The following DOCK3 variants were observed in gnomAD, a reference collection of about 807,000 sequenced individuals.
DOCK3 encodes the protein dedicator of cytokinesis protein 3.
A neutral mutation model predicts 265.6 loss-of-function variants in DOCK3; 60 were observed. The ratio of observed to expected loss-of-function variants is 0.23; its 90% CI spans 0.18 to 0.28. The LOEUF (loss-of-function observed/expected upper bound fraction) is 0.28, where lower values mean the gene tolerates loss of function less well. Ranked by LOEUF, DOCK3 falls within the 10% of genes least tolerant of loss-of-function variation. The pLI is 1.00. For missense variants in DOCK3, 1,981 were observed against 2,594.3 expected (o/e 0.76, Z 5.14); for synonymous variants, 881 against 938.0 (o/e 0.94, Z 1.11).
At chr3:51,155,998 A>G (rs1280464814) in intron 10 of DOCK3, among the ~76,000 whole-genome samples, 1 of 152,164 alleles carries the variant, frequency 6.6e-6, no homozygotes, top group Non-Finnish European at 1.5e-5. Flanking sequence ...ATTAGTTGTC[A>G]TTTTATTTTA....
At position 51,265,131 on chromosome 3, in the gene DOCK3, G is replaced by A. The variant is rs768776353; in HGVS notation, c.2355+4805G>A. ...AATTTATAAATTCCTGGACACATGC[G>A]CCATCCCAAGACTAAACCAGGAAGA... On this transcript the variant is annotated intron_variant, in intron 23 of 52. Transcript: ENST00000266037. Among the ~76,000 whole-genome samples the A allele has an allele frequency of 7.9e-5, 12 of 152,000 alleles. No individual in the cohort carries two copies. The South Asian group carries it at 1.0e-3, about 13-fold the overall frequency.
chr3:50,695,606 C>T (rs1005871299), intron 1 of DOCK3, among the ~76,000 whole-genome samples: 4 of 152,158 alleles, frequency 2.6e-5, no homozygotes, highest in Non-Finnish European at 5.9e-5. Context: ...CAGAAATTTG[C>T]TCAAAGAGAC....
chr3:51,354,785 A>C, intron 40 of DOCK3, 97 bp from the exon 41 acceptor site: 1 of 1,522,498 alleles, frequency 6.6e-7, no homozygotes, highest in Non-Finnish European at 8.8e-7. Context: ...GAAGGCTCCT[A>C]AGATATGTTT....
intron 5 of DOCK3, among the ~76,000 whole-genome samples, chr3:51,025,364 C>T (rs942857292): frequency 2.0e-5 from 3 of 152,122 alleles, no homozygotes; most frequent in Admixed American, 2.0e-4. Flanking sequence ...TAGTGGGCAG[C>T]AGTGAGCCTT....
chr3:51,012,604 C>A (rs1019416661), intron 5 of DOCK3, among the ~76,000 whole-genome samples: 1 of 152,124 alleles, frequency 6.6e-6, no homozygotes, highest in Non-Finnish European at 1.5e-5. Context: ...CTGGGTGAGG[C>A]GATGCCTTGT....
chr3:51,225,558 C>G, intron 14 of DOCK3, 91 bp from the exon 15 acceptor site: 3 of 1,505,746 alleles, frequency 2.0e-6, no homozygotes, highest in African/African-American at 1.4e-5. Flanking sequence ...CACCCAAGCC[C>G]CAGAAGATCC....
intron 1 of DOCK3, among the ~76,000 whole-genome samples, chr3:50,676,188 C>T (rs961074142): frequency 2.0e-5 from 3 of 152,124 alleles, no homozygotes; most frequent in African/African-American, 7.2e-5. Context: ...GATAGGAAAC[C>T]TGTCTAAACA....
At chr3:50,991,370 C>G (rs1029614518) in intron 5 of DOCK3, among the ~76,000 whole-genome samples, 1 of 152,180 alleles carries the variant, frequency 6.6e-6, no homozygotes, top group African/African-American at 2.4e-5. Flanking sequence ...CATAGTGACA[C>G]TCATAGGCTC....
Position 51,307,878 on chromosome 3 carries a change from G to GTTTTTT in DOCK3, c.2923-2354_2923-2353insTTTTTT, listed in dbSNP as rs1197872774. Among the ~76,000 whole-genome samples, 7 of 42,020 alleles carry GTTTTTT rather than the reference G, an allele frequency of 1.7e-4. 1 individual carries two copies. Among genetic ancestry groups the GTTTTTT allele is most frequent in the Admixed American group, 1.7e-4 (1 of 5,788 alleles). The allele number at this position is 42,020 out of a possible 152,430, so 27.6% of individuals were successfully genotyped here. A position where few individuals can be genotyped will look rare whatever the true frequency, so the allele number is the denominator to read the frequency against. ...TGCAGCTGGGATGTTAAATTATATG[G>GTTTTTT]GTTTTTTTTTTTGTTTTTTTTTTCT... On this transcript the variant is annotated intron_variant, in intron 27 of 52. Transcript: ENST00000266037.
At chr3:50,690,073 G>A (rs1378044815) in intron 1 of DOCK3, among the ~76,000 whole-genome samples, 1 of 150,378 alleles carries the variant, frequency 6.6e-6, no homozygotes, top group Non-Finnish European at 1.5e-5. Flanking sequence ...TTCCCCTATG[G>A]TTGTTTATAA....
rs71084112 is a variant in DOCK3, at chr3:50,782,289, A to ATTTTTTTTTTTTTTTTT, written c.121+3534_121+3550dup. On this transcript the variant is annotated intron_variant, in intron 2 of 52. Transcript: ENST00000266037. ...CTCAGCAGTCTCACCAGTACCTGTT[A>ATTTTTTTTTTTTTTTTT]TTTTTTTTTTTTTTTTTTTGAGACG... 1.5e-4 allele frequency among the ~76,000 whole-genome samples: 16 copies of ATTTTTTTTTTTTTTTTT among 110,044 alleles called. 2 individuals are homozygous for ATTTTTTTTTTTTTTTTT. The highest frequency in any genetic ancestry group is 1.9e-4 in the Non-Finnish European group (11 of 59,050). 72.2% of individuals were successfully genotyped at this position (110,044 alleles called of 152,430 possible). A position where few individuals can be genotyped will look rare whatever the true frequency, so the allele number is the denominator to read the frequency against.
chr3:51,214,378 A>G, intron 14 of DOCK3, 131 bp downstream of exon 14: 1 of 1,336,986 alleles, frequency 7.5e-7, no homozygotes, highest in Non-Finnish European at 1.0e-6. Flanking sequence ...ATCCCAAGTC[A>G]GGCTGCTTAC....
At chr3:51,037,164 A>G (rs1180359470) in intron 5 of DOCK3, among the ~76,000 whole-genome samples, 1 of 152,140 alleles carries the variant, frequency 6.6e-6, no homozygotes, top group Non-Finnish European at 1.5e-5. Context: ...TATGTAAATA[A>G]TATAGGTACA....
At chr3:51,165,321 A>G (rs2086342301) in intron 12 of DOCK3, among the ~76,000 whole-genome samples, 1 of 152,214 alleles carries the variant, frequency 6.6e-6, no homozygotes, top group Admixed American at 6.5e-5. Context: ...GTTATAATTG[A>G]CAAATAAAAA....
At chr3:51,209,883 C>G (rs2089412968) in intron 13 of DOCK3, among the ~76,000 whole-genome samples, 2 of 152,174 alleles carry the variant, frequency 1.3e-5, no homozygotes, top group African/African-American at 2.4e-5. Flanking sequence ...ATCTCAGAGC[C>G]TCTCACTATT....
At chr3:51,081,526 C>G (rs989630082) in intron 7 of DOCK3, among the ~76,000 whole-genome samples, 14 of 152,144 alleles carry the variant, frequency 9.2e-5, no homozygotes, top group African/African-American at 3.1e-4. Context: ...TGCTCAAACT[C>G]TGTGAGGTTG....
At chr3:51,346,446 A>G (rs975439666) in intron 38 of DOCK3, among the ~76,000 whole-genome samples, 1 of 152,134 alleles carries the variant, frequency 6.6e-6, no homozygotes, top group Non-Finnish European at 1.5e-5. Context: ...AGCTTCATCC[A>G]TGTCCCTACA....
chr3:50,903,802 A>C (rs2049325746), intron 4 of DOCK3, among the ~76,000 whole-genome samples: 1 of 151,922 alleles, frequency 6.6e-6, no homozygotes, highest in South Asian at 2.1e-4. Context: ...TCTAGGGTAC[A>C]TGTGCACCAC....
chr3:50,741,634 A>G (rs2039035882), intron 1 of DOCK3, among the ~76,000 whole-genome samples: 1 of 149,988 alleles, frequency 6.7e-6, no homozygotes, highest in Admixed American at 6.6e-5. Context: ...ATAGTATTCC[A>G]TGGTGTATAT....
Sources: gnomAD v4.1 joint callset for allele counts (sites outside exome capture counted in the v4.1 genomes callset) on GRCh38, gnomAD v4.1.1 for gene constraint, MANE v1.5 for transcripts, NCBI Gene and HGNC (gene_info 2026-07-23, HGNC 2026-07-21) for gene names.